RBFOX3: variants seen among roughly 807,000 people sequenced by gnomAD.
The protein encoded by RBFOX3 is RNA binding fox-1 homolog 3.
Under a neutral mutation model 48.7 loss-of-function variants are expected in RBFOX3, and 17 were observed. That is an observed-to-expected ratio of 0.35 (90% CI 0.24 to 0.52). The LOEUF is 0.52. Among genes scored for constraint, RBFOX3 ranks in the 20% least tolerant of loss-of-function variants. The probability of loss-of-function intolerance (pLI) is 0.94; values close to 1 mark genes in which losing one functional copy is unlikely to be tolerated. For synonymous variants in RBFOX3, 212 were observed against 209.5 expected (o/e 1.01, Z -0.10); for missense variants, 382 against 497.5 (o/e 0.77, Z 2.21).
chr17:79,316,679 G>A lies in RBFOX3; in HGVS notation c.-174-8855C>T, dbSNP rs1185605742. 2.6e-5 allele frequency among the ~76,000 whole-genome samples: 4 copies of A among 152,206 alleles called. No homozygotes were observed. The South Asian group carries it at 6.2e-4, about 24-fold the overall frequency. ...CTTTTGTGGGCCTAATCTTACAGCC[G>A]AAATAGCAAACCTCATTCCAGTGAC... On this transcript the variant is annotated intron_variant, in intron 2 of 14. Transcript: ENST00000693108.
rs886958729 is a variant in RBFOX3 at position 79,600,253 on chromosome 17, C to T, written c.-320+10573G>A. On this transcript the variant is annotated intron_variant, in intron 1 of 14. Coordinates refer to ENST00000693108, the MANE Select transcript of RBFOX3 (RefSeq NM_001350451.2). ...GCACGCACACAGGTACATGTGGGTA[C>T]ACAAATGCAGAAACACACTTGTGCA... 13 of 152,402 alleles carry T rather than the reference C, an allele frequency of 8.5e-5. No individual in the cohort carries two copies. The South Asian group carries it at 2.1e-3, about 24-fold the overall frequency. 9.4% of individuals were successfully genotyped at this position (152,402 alleles called of 1,614,324 possible).
intron 2 of RBFOX3, among the ~76,000 whole-genome samples, chr17:79,426,013 G>C (rs79854930): frequency 1.3e-5 from 2 of 152,080 alleles, no homozygotes; most frequent in Non-Finnish European, 2.9e-5. Context: ...AGAGTGTGGA[G>C]GGGGAGAGAG....
Position 79,290,148 on chromosome 17 carries a change from A to G in RBFOX3, c.-74+17576T>C, listed in dbSNP as rs139426081. On this transcript the variant is annotated intron_variant, in intron 3 of 14. Transcript: ENST00000693108. ...GCACATGCTGTAGGGGGGTCCTCAC[A>G]TACCAGTGTGAGACACACATGTCTG... Among the ~76,000 whole-genome samples the G allele has an allele frequency of 9.7e-4, 148 of 152,170 alleles. 1 individual carries two copies. Among genetic ancestry groups the G allele is most frequent in the African/African-American group, 3.5e-3 (144 of 41,546 alleles).
intron 1 of RBFOX3, among the ~76,000 whole-genome samples, chr17:79,572,122 A>G (rs2144577176): frequency 6.6e-6 from 1 of 152,192 alleles, no homozygotes; most frequent in Non-Finnish European, 1.5e-5. Context: ...AGGCTGTTTG[A>G]CTTGCCCAGG....
At chr17:79,498,904 CCATA>C (rs1328620956) in intron 1 of RBFOX3, among the ~76,000 whole-genome samples, 2 of 141,460 alleles carry the variant, frequency 1.4e-5, no homozygotes, top group African/African-American at 5.3e-5. Flanking sequence ...ATCCATCCAT[CCATA>C]TGGCTACCCA....
chr17:79,297,217 C>T (rs2074531612), intron 3 of RBFOX3, among the ~76,000 whole-genome samples: 1 of 152,152 alleles, frequency 6.6e-6, no homozygotes, highest in Non-Finnish European at 1.5e-5. Flanking sequence ...TCCCAGCAAA[C>T]AGCTAACACC....
intron 2 of RBFOX3, among the ~76,000 whole-genome samples, chr17:79,419,488 C>T (rs797037930): frequency 1.4e-4 from 22 of 152,338 alleles, no homozygotes; most frequent in African/African-American, 4.8e-4. Context: ...ACAATGGTTG[C>T]CTGTGTGCAT....
At chr17:79,315,225 A>G (rs2145823119) in intron 2 of RBFOX3, among the ~76,000 whole-genome samples, 1 of 152,332 alleles carries the variant, frequency 6.6e-6, no homozygotes, top group East Asian at 1.9e-4. Context: ...CCACTTCCCA[A>G]GAGGAAGTAA....
At chr17:79,389,673 T>C (rs1423330729) in intron 2 of RBFOX3, among the ~76,000 whole-genome samples, 1 of 152,188 alleles carries the variant, frequency 6.6e-6, no homozygotes, top group Non-Finnish European at 1.5e-5. Context: ...TCCAGAGATC[T>C]GGGGTGGGAC....
chr17:79,616,772 A>G, the RBFOX3 span, among the ~76,000 whole-genome samples: 1 of 152,192 alleles, frequency 6.6e-6, no homozygotes, highest in East Asian at 1.9e-4. Context: ...TGTATGATCA[A>G]AACGCCCCAC....
At chr17:79,416,558 C>T (rs905697119) in intron 2 of RBFOX3, among the ~76,000 whole-genome samples, 9 of 152,222 alleles carry the variant, frequency 5.9e-5, no homozygotes, top group Admixed American at 2.0e-4. Flanking sequence ...CCAGAGAGAG[C>T]GAAGACACTT....
chr17:79,137,895 C>A (rs939165860), intron 4 of RBFOX3, among the ~76,000 whole-genome samples: 2 of 152,188 alleles, frequency 1.3e-5, no homozygotes, highest in Non-Finnish European at 2.9e-5. Flanking sequence ...CCGTTCCTGC[C>A]GACGCTGCAC....
intron 2 of RBFOX3, among the ~76,000 whole-genome samples, chr17:79,457,779 C>A (rs143727583): frequency 2.3e-4 from 35 of 152,356 alleles, no homozygotes; most frequent in African/African-American, 8.4e-4. Context: ...TGGGGAGGTG[C>A]AGGAAAACCC....
At chr17:79,351,410 G>A (rs2083916437) in intron 2 of RBFOX3, among the ~76,000 whole-genome samples, 1 of 152,098 alleles carries the variant, frequency 6.6e-6, no homozygotes, top group Non-Finnish European at 1.5e-5. Flanking sequence ...AACCATCCTT[G>A]CCCATTCTTG....
chr17:79,095,687 A>G (rs2146258158), intron 12 of RBFOX3, 113 bp from the exon 13 acceptor site: 4 of 903,568 alleles, frequency 4.4e-6, no homozygotes, highest in Non-Finnish European at 6.9e-6. Flanking sequence ...GGGAGGGACT[A>G]CAGACCTTCC....
At position 79,220,618 on chromosome 17, in the gene RBFOX3, G is replaced by A. The variant is rs559112207; in HGVS notation, c.-34+15148C>T. 3.3e-5 allele frequency among the ~76,000 whole-genome samples: 5 copies of A among 149,264 alleles called. No individual in the cohort carries two copies. Among genetic ancestry groups the A allele is most frequent in the South Asian group, 2.1e-4 (1 of 4,700 alleles). ...GGGAGGGTGTGTGTGTGTGTGTGTC[G>A]GGGGGACACAAAACCTTCCAGCCTA... is the stretch of plus-strand genomic sequence containing the variant. On this transcript the variant is annotated intron_variant, in intron 4 of 14. Coordinates refer to ENST00000693108, the MANE Select transcript of RBFOX3 (RefSeq NM_001350451.2). This position sits in a 1 kb window ranked among gnomAD's most constrained non-coding sequence, Gnocchi z 5.9.
At position 79,250,423 on chromosome 17, in the gene RBFOX3, C is replaced by T. The variant is rs916609114; in HGVS notation, c.-73-14618G>A. Reference sequence around the variant, plus strand: ...TGTGTTTACATGGACATTCCCAAGGCCCCGGGGCTCGTGGTCAGACTTTAA... The same window carrying T: ...TGTGTTTACATGGACATTCCCAAGGTCCCGGGGCTCGTGGTCAGACTTTAA... On this transcript the variant is annotated intron_variant, in intron 3 of 14. Transcript: ENST00000693108. 2.6e-5 allele frequency among the ~76,000 whole-genome samples: 4 copies of T among 152,082 alleles called. 1 individual carries two copies. The highest frequency in any genetic ancestry group is 2.6e-4 in the Admixed American group (4 of 15,274).
chr17:79,264,590 A>G (rs1460439), intron 3 of RBFOX3, among the ~76,000 whole-genome samples: 1 of 152,148 alleles, frequency 6.6e-6, no homozygotes, highest in Non-Finnish European at 1.5e-5. Flanking sequence ...GTTCGTGGTC[A>G]TCTGTCACAG....
At chr17:79,171,383 G>C (rs1328674040) in intron 4 of RBFOX3, among the ~76,000 whole-genome samples, 1 of 152,204 alleles carries the variant, frequency 6.6e-6, no homozygotes, top group Non-Finnish European at 1.5e-5. Context: ...TTTCTACGAG[G>C]GGCCAGAGAG....
Sources: allele counts gnomAD v4.1 joint callset (sites outside exome capture counted in the v4.1 genomes callset), GRCh38; gene constraint gnomAD v4.1.1; non-coding constraint Gnocchi (gnomAD v3.1); transcripts MANE v1.5; gene names NCBI Gene and HGNC (gene_info 2026-07-23, HGNC 2026-07-21).